The following EXT1 variants were observed in gnomAD, a reference collection of about 807,000 sequenced individuals.
The protein encoded by EXT1 is exostosin glycosyltransferase 1, also known as exostosin-1.
Under a neutral mutation model 82.5 loss-of-function variants are expected in EXT1, and 20 were observed. The ratio of observed to expected loss-of-function variants is 0.24; its 90% confidence interval spans 0.17 to 0.35. The LOEUF is 0.35. Ranked by LOEUF, EXT1 falls within the 10% of genes least tolerant of loss-of-function variation. The pLI is 1.00. For missense variants in EXT1, 757 were observed against 936.5 expected, an observed-to-expected ratio of 0.81 and a Z score of 2.50; for synonymous variants, 348 against 350.8, an observed-to-expected ratio of 0.99 and a Z score of 0.09.
chr8:117,809,722 A>C (rs549391292), intron 8 of EXT1, among the ~76,000 whole-genome samples: 1 of 152,220 alleles, frequency 6.6e-6, no homozygotes, highest in African/African-American at 2.4e-5. Flanking sequence ...CGTTATCTCA[A>C]AGTTAAAAGG....
chr8:117,837,486 T>C (rs1306115326), intron 1 of EXT1, among the ~76,000 whole-genome samples: 1 of 152,178 alleles, frequency 6.6e-6, no homozygotes, highest in Non-Finnish European at 1.5e-5. Flanking sequence ...CAGTCTTTGC[T>C]TCCAAAATCA....
At chr8:117,964,533 AC>A (rs1814765716) in intron 1 of EXT1, among the ~76,000 whole-genome samples, 1 of 152,206 alleles carries the variant, frequency 6.6e-6, no homozygotes, top group South Asian at 2.1e-4. Context: ...TCAAAAGAGC[AC>A]CTTAAAATTT....
At chr8:117,820,814 T>C (rs891634681) in intron 5 of EXT1, among the ~76,000 whole-genome samples, 2 of 152,212 alleles carry the variant, frequency 1.3e-5, no homozygotes, top group African/African-American at 4.8e-5. Flanking sequence ...CATTATTATT[T>C]TGGAGAAGAA....
intron 1 of EXT1, among the ~76,000 whole-genome samples, chr8:118,077,036 CA>C (rs1429975998): frequency 1.3e-5 from 2 of 152,156 alleles, no homozygotes; most frequent in Non-Finnish European, 2.9e-5. Context: ...AGTCCAAAAA[CA>C]AGTTCATTTT....
intron 1 of EXT1, among the ~76,000 whole-genome samples, chr8:117,969,008 C>T (rs1486083473): frequency 6.6e-6 from 1 of 152,050 alleles, no homozygotes; most frequent in East Asian, 1.9e-4. Context: ...AAGGAAAATG[C>T]GAAAAGCAGA....
intron 1 of EXT1, among the ~76,000 whole-genome samples, chr8:117,947,129 C>A (rs1485834472): frequency 1.3e-5 from 2 of 152,154 alleles, no homozygotes; most frequent in African/African-American, 4.8e-5. Context: ...GACATGATTA[C>A]ACACAGATGT....
At chr8:118,022,327 T>TTTC (rs1491240638) in intron 1 of EXT1, among the ~76,000 whole-genome samples, 19 of 34,864 alleles carry the variant, frequency 5.4e-4, no homozygotes, top group Non-Finnish European at 7.3e-4. Flanking sequence ...ATATATATTC[T>TTTC]TTTTTTTTTT....
At chr8:117,940,437 C>T (rs959577430) in intron 1 of EXT1, among the ~76,000 whole-genome samples, 13 of 152,188 alleles carry the variant, frequency 8.5e-5, no homozygotes, top group Admixed American at 4.6e-4. Context: ...AAGAAACATT[C>T]CCACAGGGCT....
At chr8:118,065,599 A>G (rs1816971345) in intron 1 of EXT1, among the ~76,000 whole-genome samples, 1 of 152,232 alleles carries the variant, frequency 6.6e-6, no homozygotes, top group Admixed American at 6.5e-5. Flanking sequence ...AGAATCTGGT[A>G]TGTGTTGTAA....
chr8:117,919,174 T>G (rs1383688439), intron 1 of EXT1, among the ~76,000 whole-genome samples: 1 of 152,060 alleles, frequency 6.6e-6, no homozygotes, highest in Non-Finnish European at 1.5e-5. Flanking sequence ...TGAAAATTAA[T>G]TAAGAAGACA....
chr8:117,940,268 G>A (rs147848384), intron 1 of EXT1, among the ~76,000 whole-genome samples: 61 of 152,202 alleles, frequency 4.0e-4, no homozygotes, highest in Non-Finnish European at 7.2e-4. Flanking sequence ...TAGGCCGACT[G>A]GTGAGATGAT....
chr8:117,988,754 C>T (rs111460321), intron 1 of EXT1, among the ~76,000 whole-genome samples: 2 of 152,132 alleles, frequency 1.3e-5, no homozygotes, highest in Admixed American at 6.5e-5. Context: ...AGGCAATGGA[C>T]GCAACCGCTG....
intron 1 of EXT1, among the ~76,000 whole-genome samples, chr8:118,075,451 C>T (rs1020507522): frequency 6.6e-6 from 1 of 152,184 alleles, no homozygotes; most frequent in African/African-American, 2.4e-5. Context: ...ACGCTGCACC[C>T]TACACAGTGT....
At position 117,936,720 on chromosome 8, in the gene EXT1, C is replaced by A. The variant is rs17504701; in HGVS notation, c.963-99519G>T. Among the ~76,000 whole-genome samples the A allele has an allele frequency of 6.0e-3, 911 of 152,044 alleles. 6 individuals are homozygous for A. Among genetic ancestry groups the A allele is most frequent in the African/African-American group, 0.021 (876 of 41,486 alleles). On this transcript the variant is annotated intron_variant, in intron 1 of 10. Coordinates refer to ENST00000378204, the MANE Select transcript of EXT1 (RefSeq NM_000127.3). Reference sequence around the variant, plus strand: ...TGAAACGCTGTCTCTACTAAAAATACAAAAATTAGCCAGGCGTGGTGGCAC... The same window carrying A: ...TGAAACGCTGTCTCTACTAAAAATAAAAAAATTAGCCAGGCGTGGTGGCAC...
chr8:117,876,494 C>T (rs375431874), intron 1 of EXT1, among the ~76,000 whole-genome samples: 1 of 152,034 alleles, frequency 6.6e-6, no homozygotes, highest in African/African-American at 2.4e-5. Flanking sequence ...ATATGTGGTC[C>T]AATGGGAATT....
intron 4 of EXT1, among the ~76,000 whole-genome samples, chr8:117,823,081 T>G (rs1415454132): frequency 6.6e-6 from 1 of 152,200 alleles, no homozygotes. Context: ...AGCTGTTCCT[T>G]TAATTCAAGA....
Position 117,942,014 on chromosome 8 carries a change from A to G in EXT1, c.963-104813T>C, listed in dbSNP as rs551141843. ...AACTGAGGATCAAAGTAAGTTGTTCAAGGAGTTATAGGTCTAATGGGCCCC... is the reference window on the plus strand; with the variant it reads ...AACTGAGGATCAAAGTAAGTTGTTCGAGGAGTTATAGGTCTAATGGGCCCC... On this transcript the variant is annotated intron_variant, in intron 1 of 10. Coordinates refer to ENST00000378204, the MANE Select transcript of EXT1 (RefSeq NM_000127.3). Among the ~76,000 whole-genome samples, 3 of 152,308 alleles carry G rather than the reference A, an allele frequency of 2.0e-5. No individual in the cohort carries two copies. In the East Asian group the frequency reaches 5.8e-4, roughly 29 times the overall value.
chr8:117,872,637 G>A (rs895890278), intron 1 of EXT1, among the ~76,000 whole-genome samples: 1 of 152,098 alleles, frequency 6.6e-6, no homozygotes, highest in Non-Finnish European at 1.5e-5. Flanking sequence ...TTAAAGCAAA[G>A]CTGATTTTGT....
intron 1 of EXT1, among the ~76,000 whole-genome samples, chr8:117,895,270 C>T (rs1317588727): frequency 2.6e-5 from 4 of 152,128 alleles, no homozygotes; most frequent in Non-Finnish European, 5.9e-5. Flanking sequence ...GCGTTGTCTA[C>T]GGACATAAAC....
Sources: allele counts gnomAD v4.1 joint callset (sites outside exome capture counted in the v4.1 genomes callset), GRCh38; gene constraint gnomAD v4.1.1; transcripts MANE v1.5; gene names NCBI Gene and HGNC (gene_info 2026-07-23, HGNC 2026-07-21).